NT5E: variants seen among roughly 807,000 people sequenced by gnomAD.
NT5E encodes 5'-nucleotidase.
NT5E carries 53 observed loss-of-function variants against 55.1 expected under a neutral mutation model. The ratio of observed to expected loss-of-function variants is 0.96; its 90% CI spans 0.77 to 1.21. NT5E has a LOEUF of 1.21. NT5E is among the 50% of genes most tolerant of loss of function. The probability of loss-of-function intolerance (pLI) is 0.00; values close to 1 mark genes in which losing one functional copy is unlikely to be tolerated. For missense variants in NT5E, 683 were observed against 724.3 expected, an observed-to-expected ratio of 0.94 and a Z score of 0.65; for synonymous variants, 270 against 278.4, an observed-to-expected ratio of 0.97 and a Z score of 0.30.
At chr6:85,479,360 T>G (rs1333947268) in intron 3 of NT5E, among the ~76,000 whole-genome samples, 2 of 152,244 alleles carry the variant, frequency 1.3e-5, no homozygotes, top group Non-Finnish European at 2.9e-5. Context: ...GAAACATTTA[T>G]GGCTAGGAAT....
At chr6:85,488,500 T>C (rs1259959145) in intron 5 of NT5E, among the ~76,000 whole-genome samples, 2 of 152,194 alleles carry the variant, frequency 1.3e-5, no homozygotes, top group Non-Finnish European at 2.9e-5. Context: ...ACCCAGGCTG[T>C]TGGCAGTGCT....
At chr6:85,454,759 G>A (rs2127753786) in intron 1 of NT5E, among the ~76,000 whole-genome samples, 1 of 152,196 alleles carries the variant, frequency 6.6e-6, no homozygotes, top group East Asian at 1.9e-4. Flanking sequence ...ACTCCTCACT[G>A]GAAATTCAGA....
At chr6:85,486,096 G>T (rs1305270606) in intron 4 of NT5E, among the ~76,000 whole-genome samples, 1 of 152,142 alleles carries the variant, frequency 6.6e-6, no homozygotes, top group Non-Finnish European at 1.5e-5. Flanking sequence ...CGTTAGTGAG[G>T]GATTTAGGGT....
At chr6:85,459,440 G>C (rs959722043) in intron 1 of NT5E, among the ~76,000 whole-genome samples, 3 of 152,138 alleles carry the variant, frequency 2.0e-5, no homozygotes, top group Admixed American at 1.3e-4. Context: ...TCTGCATCAT[G>C]CATCCTACAC....
chr6:85,485,539 C>A, intron 4 of NT5E, 107 bp downstream of exon 4: 1 of 1,107,552 alleles, frequency 9.0e-7, no homozygotes, highest in Non-Finnish European at 1.4e-6. Context: ...GACTATAATA[C>A]TGTTGAAGAA....
intron 5 of NT5E, among the ~76,000 whole-genome samples, chr6:85,488,726 G>A (rs898967912): frequency 1.3e-5 from 2 of 151,916 alleles, no homozygotes; most frequent in African/African-American, 4.8e-5. Context: ...GATTAGAGGT[G>A]TCCACTACCA....
chr6:85,458,790 G>A (rs1219165745), intron 1 of NT5E, among the ~76,000 whole-genome samples: 1 of 152,148 alleles, frequency 6.6e-6, no homozygotes, highest in Non-Finnish European at 1.5e-5. Context: ...TGCCTATTTT[G>A]CACGTATGGA....
At chr6:85,478,268 G>A (rs1159558043) in intron 3 of NT5E, among the ~76,000 whole-genome samples, 1 of 152,154 alleles carries the variant, frequency 6.6e-6, no homozygotes, top group African/African-American at 2.4e-5. Flanking sequence ...GATGAAGTGA[G>A]ACTATCCGAA....
At chr6:85,490,689 C>A (rs374357412) in intron 7 of NT5E, 32 bp downstream of exon 7, 63 of 1,612,092 alleles carry the variant, frequency 3.9e-5, no homozygotes, top group South Asian at 1.1e-5. Context: ...GCTGGCCCAT[C>A]CAAAGTGACA....
At chr6:85,476,960 TATAAAGTTCTC>T (rs1340234073) in intron 3 of NT5E, among the ~76,000 whole-genome samples, 1 of 152,152 alleles carries the variant, frequency 6.6e-6, no homozygotes, top group Non-Finnish European at 1.5e-5. Flanking sequence ...AAAATGGGGA[TATAAAGTTCTC>T]ACTTTGGGCC....
intron 3 of NT5E, among the ~76,000 whole-genome samples, chr6:85,477,922 G>A (rs1342984648): frequency 6.6e-6 from 1 of 151,920 alleles, no homozygotes; most frequent in African/African-American, 2.4e-5. Flanking sequence ...AGTGCTTTGG[G>A]AGGCTGAGGC....
chr6:85,488,345 T>C (rs1400624672), intron 5 of NT5E, among the ~76,000 whole-genome samples: 1 of 152,182 alleles, frequency 6.6e-6, no homozygotes, highest in African/African-American at 2.4e-5. Context: ...CTGCACTCGA[T>C]AAATGTTTGC....
intron 1 of NT5E, among the ~76,000 whole-genome samples, chr6:85,451,494 T>A (rs528267040): frequency 1.3e-5 from 2 of 151,918 alleles, no homozygotes; most frequent in Non-Finnish European, 2.9e-5. Context: ...AACCAAGATG[T>A]ATATATGGTG....
At chr6:85,453,782 GCC>G (rs1467917132) in intron 1 of NT5E, among the ~76,000 whole-genome samples, 1 of 152,188 alleles carries the variant, frequency 6.6e-6, no homozygotes, top group Non-Finnish European at 1.5e-5. Flanking sequence ...GGGAACCATG[GCC>G]CCCGCCTTTA....
At chr6:85,477,242 G>A (rs950320815) in intron 3 of NT5E, among the ~76,000 whole-genome samples, 13 of 152,050 alleles carry the variant, frequency 8.5e-5, no homozygotes, top group East Asian at 1.9e-4. Flanking sequence ...ACTGTGTCGC[G>A]GCTGACACAT....
chr6:85,457,373 A>T (rs891785701), intron 1 of NT5E, among the ~76,000 whole-genome samples: 47 of 152,036 alleles, frequency 3.1e-4, no homozygotes, highest in African/African-American at 1.1e-3. Flanking sequence ...AAATGGGGGA[A>T]TTGGAGAGGG....
chr6:85,467,941 T>C (rs1038494194), intron 2 of NT5E, among the ~76,000 whole-genome samples: 4 of 151,954 alleles, frequency 2.6e-5, no homozygotes, highest in African/African-American at 9.7e-5. Context: ...CACACATATA[T>C]AATCTTAAGA....
rs182443218 is a variant in NT5E, at chr6:85,472,125, C to A, written c.751+700C>A. On this transcript the variant is annotated intron_variant, in intron 3 of 8. Coordinates refer to ENST00000257770, the MANE Select transcript of NT5E (RefSeq NM_002526.4). ...GAATCTGGTTCCACCTTTCCCACTT[C>A]CCCCACCTTGCACTGCATAGATCTT... Among the ~76,000 whole-genome samples the A allele has an allele frequency of 4.6e-5, 7 of 152,338 alleles. 1 individual carries two copies. The East Asian group carries it at 1.3e-3, about 29-fold the overall frequency.
rs771028163 is a variant in NT5E at position 85,450,347 on chromosome 6, C to T, written c.208C>T (p.Gln70Ter). 2 of 1,594,746 alleles carry T rather than the reference C, an allele frequency of 1.3e-6. No homozygotes were observed. The highest frequency in any genetic ancestry group is 3.5e-5 in the Admixed American group (2 of 56,846). Residue 70 changes from glutamine to a stop codon, truncating the protein, a stop_gained, in exon 1 of 9, where the codon CAG becomes TAG. Coordinates refer to ENST00000257770, the MANE Select transcript of NT5E (RefSeq NM_002526.4). LOFTEE classifies it high-confidence loss of function. This position sits in a 1 kb window ranked among gnomAD's most constrained non-coding sequence, Gnocchi z 4.0. The part of the protein sequence containing the change: ...GVARLFTKVQ[Q>*]IRRAEPNVLL... ...GGCTCGGCTCTTCACCAAGGTTCAGCAGATCCGCCGCGCCGAACCCAACGT... is the reference window on the plus strand; with the variant it reads ...GGCTCGGCTCTTCACCAAGGTTCAGTAGATCCGCCGCGCCGAACCCAACGT...
Sources: allele counts gnomAD v4.1 joint callset (sites outside exome capture counted in the v4.1 genomes callset), GRCh38; gene constraint gnomAD v4.1.1; non-coding constraint Gnocchi (gnomAD v3.1); transcripts MANE v1.5; gene names NCBI Gene and HGNC (gene_info 2026-07-23, HGNC 2026-07-21).